Variants in SIRT1 observed in about 807,000 individuals in gnomAD.
The protein encoded by SIRT1 is sirtuin 1.
SIRT1 carries 24 observed loss-of-function variants against 67.9 expected under a neutral mutation model. The ratio of observed to expected loss-of-function variants is 0.35; its 90% CI spans 0.26 to 0.50. The LOEUF is 0.50. Ranked by LOEUF, SIRT1 falls within the 20% of genes least tolerant of loss-of-function variation. The pLI is 0.98. For missense variants in SIRT1, 873 were observed against 937.2 expected (o/e 0.93, Z 0.89); for synonymous variants, 378 against 350.7 (o/e 1.08, Z -0.87).
At chr10:67,891,042 AAC>A (rs1184144995) in intron 3 of SIRT1, among the ~76,000 whole-genome samples, 1 of 150,070 alleles carries the variant, frequency 6.7e-6, no homozygotes, top group Admixed American at 6.7e-5. Flanking sequence ...AAAAAAAAAA[AAC>A]AAAAAAAAAA....
At chr10:67,904,166 A>C (rs1589079167) in intron 4 of SIRT1, among the ~76,000 whole-genome samples, 1 of 137,780 alleles carries the variant, frequency 7.3e-6, no homozygotes, top group African/African-American at 2.7e-5. Context: ...TCACTCTGTC[A>C]CCCAGGCTGG....
Position 67,918,179 on chromosome 10 carries a change from G to A in SIRT1, c.*1586G>A, listed in dbSNP as rs992520251. 1.3e-5 allele frequency: 2 copies of A among 152,546 alleles called. No homozygotes were observed. Among genetic ancestry groups the A allele is most frequent in the Non-Finnish European group, 2.9e-5 (2 of 68,016 alleles). The allele number at this position is 152,546 out of a possible 1,614,324, so 9.4% of individuals were successfully genotyped here. A position where few individuals can be genotyped will look rare whatever the true frequency, so the allele number is the denominator to read the frequency against. ...TATAGATGATATTTTAAATTGAAAA[G>A]TTTGTTTTAAATTATTTTTACAGTG... On this transcript the variant is annotated 3_prime_UTR_variant, in exon 9 of 9. Transcript: ENST00000212015.
chr10:67,887,447 C>T lies in SIRT1; in HGVS notation c.461C>T (p.Thr154Ile). 6.2e-7 allele frequency: 1 copy of T among 1,613,684 alleles called. No individual in the cohort carries two copies. The highest frequency in any genetic ancestry group is 8.5e-7 in the Non-Finnish European group (1 of 1,179,690). The change falls in exon 2 of 9, where the codon ACT becomes ATT. Residue 154 changes from threonine to isoleucine, a missense_variant. Coordinates refer to ENST00000212015, the MANE Select transcript of SIRT1 (RefSeq NM_012238.5). ...DNLLFGDEII[T>I]NGFHSCESDE... ...CTTCTGTTCGGTGATGAAATTATCA[C>T]TAATGGTTTTCATTCCTGTGAAAGT...
At chr10:67,915,623 CTA>C (rs1234767584) in intron 8 of SIRT1, among the ~76,000 whole-genome samples, 1 of 152,012 alleles carries the variant, frequency 6.6e-6, no homozygotes, top group African/African-American at 2.4e-5. Context: ...ACAGAGTACA[CTA>C]TGAATTTGTG....
Position 67,917,718 on chromosome 10 carries a change from T to C in SIRT1, c.*1125T>C, listed in dbSNP as rs1229458821. On this transcript the variant is annotated 3_prime_UTR_variant, in exon 9 of 9. Coordinates refer to ENST00000212015, the MANE Select transcript of SIRT1 (RefSeq NM_012238.5). ...ACTGCTAGCCCTAGTATTATGGAGA[T>C]GAACATGATGATGTAACTTGTAATA... The C allele has an allele frequency of 6.6e-6, 1 of 152,646 alleles. No individual in the cohort carries two copies. The highest frequency in any genetic ancestry group is 2.4e-5 in the African/African-American group (1 of 41,458). The allele number at this position is 152,646 out of a possible 1,614,324, so 9.5% of individuals were successfully genotyped here. A position where few individuals can be genotyped will look rare whatever the true frequency, so the allele number is the denominator to read the frequency against.
At chr10:67,906,418 G>T (rs1241037118) in intron 4 of SIRT1, 1 of 911,924 alleles carries the variant, frequency 1.1e-6, no homozygotes. Flanking sequence ...CTTGATATCT[G>T]TAATTTTAGT....
At chr10:67,904,121 T>G (rs1045180366) in intron 4 of SIRT1, among the ~76,000 whole-genome samples, 3 of 139,486 alleles carry the variant, frequency 2.2e-5, no homozygotes, top group African/African-American at 8.9e-5. Flanking sequence ...TTAGTTTTTT[T>G]TGTTTGTTTT....
In SIRT1 at chr10:67,893,368, A is replaced by G. The variant is rs1258377719; in HGVS notation, c.942+1814A>G. ...TGTGTCCATGTGTTCTTATTGTTCA[A>G]CTCTCACTTATGAGTGAGGACATGT... On this transcript the variant is annotated intron_variant, in intron 4 of 8. Transcript: ENST00000212015. Among the ~76,000 whole-genome samples the G allele has an allele frequency of 4.6e-5, 7 of 151,716 alleles. No homozygotes were observed. The South Asian group carries it at 1.0e-3, about 23-fold the overall frequency.
chr10:67,892,068 C>G (rs902197343), intron 4 of SIRT1, among the ~76,000 whole-genome samples: 1 of 152,088 alleles, frequency 6.6e-6, no homozygotes, highest in Non-Finnish European at 1.5e-5. Flanking sequence ...AAGCCACTAG[C>G]CACATGTGGC....
chr10:67,909,468 A>G (rs757386731), intron 7 of SIRT1, 26 bp downstream of exon 7: 16 of 1,574,438 alleles, frequency 1.0e-5, no homozygotes, highest in Non-Finnish European at 1.3e-5. Flanking sequence ...TTTTTGGAGA[A>G]CATTTCTATA....
At chr10:67,909,826 C>G (rs983012862) in intron 7 of SIRT1, among the ~76,000 whole-genome samples, 2 of 151,954 alleles carry the variant, frequency 1.3e-5, no homozygotes, top group Non-Finnish European at 2.9e-5. Flanking sequence ...CCGCCTGTCT[C>G]TGCCTTCTAA....
Position 67,884,747 on chromosome 10 carries a change from T to C in SIRT1, c.26T>C (p.Leu9Pro). 2 of 1,228,602 alleles carry C rather than the reference T, an allele frequency of 1.6e-6. No homozygotes were observed. Among genetic ancestry groups the C allele is most frequent in the Middle Eastern group, 3.1e-4 (1 of 3,204 alleles). The allele number at this position is 1,228,602 out of a possible 1,614,324, so 76.1% of individuals were successfully genotyped here. Reference protein sequence around the residue: MADEAALALQPGGSPSAAG... With the variant: MADEAALAPQPGGSPSAAG... ...ATGGCGGACGAGGCGGCCCTCGCCCTTCAGCCCGGCGGCTCCCCCTCGGCG... is the reference window on the plus strand; with the variant it reads ...ATGGCGGACGAGGCGGCCCTCGCCCCTCAGCCCGGCGGCTCCCCCTCGGCG... The change falls in exon 1 of 9, where the codon CTT (leucine) becomes CCT (proline). Residue 9 changes from leucine to proline, a missense_variant. By Grantham distance (98) the Leu-to-Pro change is moderately conservative. Coordinates refer to ENST00000212015, the MANE Select transcript of SIRT1 (RefSeq NM_012238.5).
At chr10:67,894,708 T>C (rs1842625541) in intron 4 of SIRT1, among the ~76,000 whole-genome samples, 2 of 152,118 alleles carry the variant, frequency 1.3e-5, no homozygotes, top group African/African-American at 4.8e-5. Context: ...TATATAAATT[T>C]ATTTATTATT....
chr10:67,907,624 A>G (rs1444555019), intron 5 of SIRT1, among the ~76,000 whole-genome samples: 1 of 152,218 alleles, frequency 6.6e-6, no homozygotes, highest in Admixed American at 6.5e-5. Flanking sequence ...TCAGAGATTC[A>G]GAAATGTTTA....
intron 1 of SIRT1, 36 bp downstream of exon 1, chr10:67,885,187 C>T (rs1163021555): frequency 9.2e-6 from 12 of 1,310,508 alleles, no homozygotes; most frequent in South Asian, 2.2e-5. Flanking sequence ...CTGCGCATCT[C>T]CTCCTCCCTC....
intron 7 of SIRT1, among the ~76,000 whole-genome samples, chr10:67,911,572 A>T (rs970437188): frequency 2.0e-5 from 3 of 152,108 alleles, no homozygotes; most frequent in African/African-American, 7.2e-5. Flanking sequence ...AAACAGGTTT[A>T]TAATAGCGTA....
At chr10:67,896,970 A>G (rs1842667889) in intron 4 of SIRT1, among the ~76,000 whole-genome samples, 1 of 152,010 alleles carries the variant, frequency 6.6e-6, no homozygotes, top group African/African-American at 2.4e-5. Flanking sequence ...GCCCTGGCCA[A>G]CTTGGCAAAA....
chr10:67,898,526 T>G (rs1281699254), intron 4 of SIRT1, among the ~76,000 whole-genome samples: 4 of 152,198 alleles, frequency 2.6e-5, no homozygotes, highest in Non-Finnish European at 4.4e-5. Flanking sequence ...TAGAACAAGC[T>G]TATTAAAAAT....
At position 67,917,464 on chromosome 10, in the gene SIRT1, A is replaced by G. The variant is rs1225416604; in HGVS notation, c.*871A>G. The G allele has an allele frequency of 6.6e-6, 1 of 152,602 alleles. No homozygotes were observed. Among genetic ancestry groups the G allele is most frequent in the African/African-American group, 2.4e-5 (1 of 41,446 alleles). 9.5% of individuals were successfully genotyped at this position (152,602 alleles called of 1,614,324 possible). A position where few individuals can be genotyped will look rare whatever the true frequency, so the allele number is the denominator to read the frequency against. On this transcript the variant is annotated 3_prime_UTR_variant, in exon 9 of 9. Transcript: ENST00000212015. ...TATCACTGTGGTAGAGCTTGCATTG[A>G]TCTTTTCCACAAGTATTAAACTGCC...
Sources: gnomAD v4.1 joint callset for allele counts (sites outside exome capture counted in the v4.1 genomes callset) on GRCh38, gnomAD v4.1.1 for gene constraint, MANE v1.5 for transcripts, NCBI Gene and HGNC (gene_info 2026-07-23, HGNC 2026-07-21) for gene names.